TRABD2B: variants seen among roughly 807,000 people sequenced by gnomAD.
TRABD2B encodes TraB domain containing 2B.
In TRABD2B, 14 loss-of-function variants were observed where a neutral mutation model predicts 40.1. The ratio of observed to expected loss-of-function variants is 0.35; its 90% CI spans 0.23 to 0.55. TRABD2B has a LOEUF of 0.55. TRABD2B is among the 20% of genes least tolerant of loss of function. The pLI is 0.90. For missense variants in TRABD2B, 541 were observed against 648.6 expected (o/e 0.83, Z 1.80); for synonymous variants, 263 against 277.0 (o/e 0.95, Z 0.50).
intron 2 of TRABD2B, among the ~76,000 whole-genome samples, chr1:47,946,596 T>C (rs988446832): frequency 3.9e-5 from 6 of 152,208 alleles, no homozygotes; most frequent in African/African-American, 1.4e-4. Flanking sequence ...CTGGGTCATA[T>C]TGTATTATCC....
intron 2 of TRABD2B, among the ~76,000 whole-genome samples, chr1:47,949,916 G>C (rs760932004): frequency 2.0e-5 from 3 of 152,184 alleles, no homozygotes; most frequent in African/African-American, 4.8e-5. Flanking sequence ...CTACATTCCA[G>C]TGGGAGAGAC....
At position 47,994,875 on chromosome 1, in the gene TRABD2B, G is replaced by T. The variant is rs1347238345; in HGVS notation, c.103-278C>A. 1.3e-5 allele frequency among the ~76,000 whole-genome samples: 2 copies of T among 152,142 alleles called. No homozygotes were observed. The highest frequency in any genetic ancestry group is 4.8e-5 in the African/African-American group (2 of 41,422). ...TGAAAGCAACTACCTCGGGTTGTTG[G>T]GAGGATTAAAAGATACAATATATGT... On this transcript the variant is annotated intron_variant, in intron 1 of 6. Transcript: ENST00000606738. The surrounding 1 kb of genome is among the most constrained non-coding windows in gnomAD (Gnocchi z 6.7).
intron 2 of TRABD2B, among the ~76,000 whole-genome samples, chr1:47,943,391 C>T (rs1168192871): frequency 1.3e-5 from 2 of 152,176 alleles, no homozygotes; most frequent in Admixed American, 6.5e-5. Flanking sequence ...TTTCAGCCTT[C>T]ATGGAGAAAG....
chr1:47,911,534 A>G (rs1156495532), intron 2 of TRABD2B, among the ~76,000 whole-genome samples: 2 of 152,228 alleles, frequency 1.3e-5, no homozygotes, highest in African/African-American at 4.8e-5. Flanking sequence ...AGGCTAATGC[A>G]TCGTCTGTCA....
chr1:47,952,850 C>T (rs541633147), intron 2 of TRABD2B, among the ~76,000 whole-genome samples: 126 of 152,296 alleles, frequency 8.3e-4, no homozygotes, highest in Admixed American at 2.9e-3. Context: ...TGGAGGACAC[C>T]GAGGCCTCCC....
intron 2 of TRABD2B, among the ~76,000 whole-genome samples, chr1:47,943,757 AACACAC>A (rs10554684): frequency 0.18 from 26,979 of 146,522 alleles, 2,504 homozygotes; most frequent in East Asian, 0.3. Context: ...GCATCCAGAA[AACACAC>A]ACACACACAC....
intron 2 of TRABD2B, among the ~76,000 whole-genome samples, chr1:47,834,645 G>T (rs190986671): frequency 6.6e-6 from 1 of 152,014 alleles, no homozygotes; most frequent in South Asian, 2.1e-4. Flanking sequence ...GGTTCCAGAC[G>T]TTTAAGTAAA....
intron 2 of TRABD2B, among the ~76,000 whole-genome samples, chr1:47,936,862 TCACCAC>T (rs146188972): frequency 2.6e-5 from 4 of 151,408 alleles, no homozygotes; most frequent in Non-Finnish European, 2.9e-5. Context: ...ATCATCATCA[TCACCAC>T]CACCACCACC....
chr1:47,767,603 C>T (rs1431608969), intron 6 of TRABD2B, among the ~76,000 whole-genome samples: 3 of 152,248 alleles, frequency 2.0e-5, no homozygotes, highest in African/African-American at 4.8e-5. Context: ...CTCCAAGACA[C>T]AAAACAGGGC....
intron 2 of TRABD2B, among the ~76,000 whole-genome samples, chr1:47,830,038 G>A (rs7525331): frequency 0.83 from 125,674 of 151,618 alleles, 53,732 homozygotes; most frequent in Middle Eastern, 0.96. Flanking sequence ...AATTCCATCC[G>A]TCCTTAGAAT....
intron 2 of TRABD2B, among the ~76,000 whole-genome samples, chr1:47,901,712 G>A (rs1644602707): frequency 6.6e-6 from 1 of 152,240 alleles, no homozygotes; most frequent in South Asian, 2.1e-4. Context: ...TTCTGGAGAA[G>A]AGTGGTTCAG....
chr1:47,780,707 T>C (rs1283098930), intron 4 of TRABD2B, among the ~76,000 whole-genome samples: 4 of 152,104 alleles, frequency 2.6e-5, no homozygotes, highest in Admixed American at 6.5e-5. Context: ...GGGGAGGCTG[T>C]TCCAGTAGGG....
chr1:47,971,154 T>C (rs12407078), intron 2 of TRABD2B, among the ~76,000 whole-genome samples: 34,462 of 152,154 alleles, frequency 0.23, 4,142 homozygotes, highest in East Asian at 0.27. Flanking sequence ...GTACACATCC[T>C]ACTTTCTGAG....
At chr1:47,828,973 C>T (rs772101775) in intron 2 of TRABD2B, among the ~76,000 whole-genome samples, 6 of 152,136 alleles carry the variant, frequency 3.9e-5, no homozygotes, top group Admixed American at 6.5e-5. Flanking sequence ...GCCAATGCTG[C>T]GGATGCAGGA....
At chr1:47,861,761 C>A (rs1424678663) in intron 2 of TRABD2B, among the ~76,000 whole-genome samples, 3 of 152,180 alleles carry the variant, frequency 2.0e-5, no homozygotes, top group Non-Finnish European at 4.4e-5. Context: ...CTAACTCATT[C>A]TGTGAGGCCT....
chr1:47,839,826 T>C (rs935739259), intron 2 of TRABD2B, among the ~76,000 whole-genome samples: 15 of 152,162 alleles, frequency 9.9e-5, no homozygotes, highest in Non-Finnish European at 2.9e-5. Context: ...ACTCTCTCCA[T>C]AGCAGTAAAG....
chr1:47,930,440 A>G (rs1645025217), intron 2 of TRABD2B, among the ~76,000 whole-genome samples: 1 of 152,160 alleles, frequency 6.6e-6, no homozygotes, highest in Non-Finnish European at 1.5e-5. Flanking sequence ...ATCCTGGAGC[A>G]GAACAAGGCC....
intron 2 of TRABD2B, among the ~76,000 whole-genome samples, chr1:47,841,813 C>A (rs1447338896): frequency 3.6e-5 from 5 of 140,618 alleles, no homozygotes; most frequent in African/African-American, 7.9e-5. Context: ...GAGACAGAGT[C>A]TCGCTCTGTC....
intron 2 of TRABD2B, among the ~76,000 whole-genome samples, chr1:47,933,446 T>C (rs1645067156): frequency 6.6e-6 from 1 of 152,194 alleles, no homozygotes; most frequent in Non-Finnish European, 1.5e-5. Flanking sequence ...CTTTGTGCTT[T>C]GGCAGCAATG....
Sources: gnomAD v4.1 joint callset for allele counts (sites outside exome capture counted in the v4.1 genomes callset) on GRCh38, gnomAD v4.1.1 for gene constraint, Gnocchi (gnomAD v3.1) non-coding constraint, MANE v1.5 for transcripts, NCBI Gene and HGNC (gene_info 2026-07-23, HGNC 2026-07-21) for gene names.